Variants in MXD1 observed in about 807,000 individuals in gnomAD.
MXD1 encodes the protein MAX-binding protein.
Under a neutral mutation model 25.7 loss-of-function variants are expected in MXD1, and 9 were observed. That is an observed-to-expected ratio of 0.35 (90% CI 0.21 to 0.61). The LOEUF is 0.61. Ranked by LOEUF, MXD1 falls within the 20% of genes least tolerant of loss-of-function variation. The pLI is 0.75. For synonymous variants in MXD1, 99 were observed against 113.9 expected (o/e 0.87, Z 0.83); for missense variants, 227 against 292.4 (o/e 0.78, Z 1.63).
At chr2:69,921,865 A>G in intron 3 of MXD1, 100 bp downstream of exon 3, 4 of 1,138,256 alleles carry the variant, frequency 3.5e-6, no homozygotes, top group Non-Finnish European at 5.1e-6. Flanking sequence ...TCCCACTAGT[A>G]GCACCTGATT....
At chr2:69,936,312 A>G (rs986403301) in intron 4 of MXD1, among the ~76,000 whole-genome samples, 2 of 151,952 alleles carry the variant, frequency 1.3e-5, no homozygotes, top group African/African-American at 4.8e-5. Context: ...TGTTGTCTCA[A>G]TCCTTAGACT....
chr2:69,927,223 C>A (rs1259969598), intron 3 of MXD1, among the ~76,000 whole-genome samples: 1 of 152,172 alleles, frequency 6.6e-6, no homozygotes, highest in East Asian at 1.9e-4. Flanking sequence ...ATGACCAAGT[C>A]CCTTATATGG....
At chr2:69,920,146 G>A (rs1479809837) in intron 2 of MXD1, among the ~76,000 whole-genome samples, 4 of 152,020 alleles carry the variant, frequency 2.6e-5, no homozygotes, top group Admixed American at 1.3e-4. Context: ...GCGCCACCAC[G>A]CCCGGCTAAT....
rs1253003438 is a variant in MXD1 at position 69,941,327 on chromosome 2, A to G, written c.*3043A>G. 2 of 152,186 alleles carry G rather than the reference A, an allele frequency of 1.3e-5. No homozygotes were observed. Among genetic ancestry groups the G allele is most frequent in the Admixed American group, 6.5e-5 (1 of 15,280 alleles). 9.4% of individuals were successfully genotyped at this position (152,186 alleles called of 1,614,324 possible). A position where few individuals can be genotyped will look rare whatever the true frequency, so the allele number is the denominator to read the frequency against. ...GCTTTGAATGGTGGGCCGAGCACCCAGGTCGTCTGTATTTTGGTTTTCTTT... is the reference window on the plus strand; with the variant it reads ...GCTTTGAATGGTGGGCCGAGCACCCGGGTCGTCTGTATTTTGGTTTTCTTT... On this transcript the variant is annotated 3_prime_UTR_variant, in exon 6 of 6. Coordinates refer to ENST00000264444, the MANE Select transcript of MXD1 (RefSeq NM_002357.4).
chr2:69,921,725 C>G lies in MXD1; in HGVS notation c.174-11C>G. On this transcript the variant is annotated splice_polypyrimidine_tract_variant and intron_variant, in intron 2 of 5. Coordinates refer to ENST00000264444, the MANE Select transcript of MXD1 (RefSeq NM_002357.4). ...AATATCTTATTCTTCTCTTATTGTT[C>G]CCTCTTTCAGATCAACTCACAATGA... The G allele has an allele frequency of 1.2e-6, 2 of 1,606,810 alleles. No individual in the cohort carries two copies. Among genetic ancestry groups the G allele is most frequent in the Non-Finnish European group, 1.7e-6 (2 of 1,176,238 alleles).
intron 2 of MXD1, 49 bp downstream of exon 2, chr2:69,916,269 A>G: frequency 2.7e-6 from 3 of 1,102,186 alleles, no homozygotes; most frequent in Non-Finnish European, 4.1e-6. Flanking sequence ...ATTGTAGGTG[A>G]CACAAACTGC....
chr2:69,928,057 C>T (rs1373532181), intron 3 of MXD1, among the ~76,000 whole-genome samples: 4 of 152,022 alleles, frequency 2.6e-5, no homozygotes, highest in African/African-American at 9.6e-5. Flanking sequence ...TGACCCTTGA[C>T]ATTTTAAGGG....
intron 2 of MXD1, among the ~76,000 whole-genome samples, chr2:69,917,855 C>A (rs1676989947): frequency 2.0e-5 from 3 of 150,032 alleles, no homozygotes; most frequent in Non-Finnish European, 4.4e-5. Context: ...GGCTACAAAT[C>A]CTTCTGTTAA....
At position 69,915,173 on chromosome 2, in the gene MXD1, T is replaced by C; in HGVS notation, c.-158T>C. On this transcript the variant is annotated 5_prime_UTR_variant, in exon 1 of 6. Coordinates refer to ENST00000264444, the MANE Select transcript of MXD1 (RefSeq NM_002357.4). This position sits in a 1 kb window ranked among gnomAD's most constrained non-coding sequence, Gnocchi z 5.8. ...GCTCACTGGCCCCCTCCCTCTCTTG[T>C]CGAGCGTGGTTGCCAGAGAGGCTCC... The C allele has an allele frequency of 3.8e-6, 2 of 530,998 alleles. No homozygotes were observed. The highest frequency in any genetic ancestry group is 2.9e-6 in the Non-Finnish European group (1 of 340,182). 32.9% of individuals were successfully genotyped at this position (530,998 alleles called of 1,614,324 possible).
Position 69,938,290 on chromosome 2 carries a change from T to C in MXD1, c.*6T>C. ...AGGCGTGTCTTGGTCTCTAAGAGAG[T>C]GGGCACTGCGGCTGTCTCCTTGAAG... On this transcript the variant is annotated 3_prime_UTR_variant, in exon 6 of 6. Transcript: ENST00000264444. 1 of 1,613,198 alleles carries C rather than the reference T, an allele frequency of 6.2e-7. No homozygotes were observed. Among genetic ancestry groups the C allele is most frequent in the Non-Finnish European group, 8.5e-7 (1 of 1,179,452 alleles).
intron 3 of MXD1, among the ~76,000 whole-genome samples, chr2:69,926,663 CTTAG>C (rs1294247308): frequency 5.9e-5 from 9 of 152,184 alleles, no homozygotes; most frequent in Non-Finnish European, 8.8e-5. Flanking sequence ...GGTTTCCCAT[CTTAG>C]TTAACTAATT....
At chr2:69,927,897 T>G (rs1462647943) in intron 3 of MXD1, among the ~76,000 whole-genome samples, 2 of 152,334 alleles carry the variant, frequency 1.3e-5, no homozygotes, top group East Asian at 3.9e-4. Flanking sequence ...GTAATAATGA[T>G]GCACTTGGCA....
chr2:69,936,932 C>A (rs1677460445), intron 4 of MXD1: 2 of 523,908 alleles, frequency 3.8e-6, no homozygotes, highest in Non-Finnish European at 7.6e-6. Context: ...AGGTTGGGGA[C>A]TGCTGCCTGC....
chr2:69,931,066 G>T (rs1380878809), intron 3 of MXD1, among the ~76,000 whole-genome samples: 1 of 152,142 alleles, frequency 6.6e-6, no homozygotes, highest in East Asian at 1.9e-4. Flanking sequence ...TATGTAGTAG[G>T]TCTGTATATT....
chr2:69,931,741 C>A (rs991610619), intron 3 of MXD1, among the ~76,000 whole-genome samples: 1 of 152,148 alleles, frequency 6.6e-6, no homozygotes, highest in Non-Finnish European at 1.5e-5. Context: ...CAGAGCATGA[C>A]TTATTATAGT....
At chr2:69,918,021 G>C (rs1411110022) in intron 2 of MXD1, among the ~76,000 whole-genome samples, 1 of 152,186 alleles carries the variant, frequency 6.6e-6, no homozygotes, top group Non-Finnish European at 1.5e-5. Context: ...TGTGAGGCAA[G>C]AGCAGGCAGT....
chr2:69,937,248 G>T lies in MXD1; in HGVS notation c.332G>T (p.Cys111Phe). 1 of 1,613,900 alleles carries T rather than the reference G, an allele frequency of 6.2e-7. No individual in the cohort carries two copies. The highest frequency in any genetic ancestry group is 8.5e-7 in the Non-Finnish European group (1 of 1,179,854). ...AKLHIKKLEDCDRKAVHQIDQ... is the reference protein window; with the variant it reads ...AKLHIKKLEDFDRKAVHQIDQ... ...TTTGACTTGCAGAAACTTGAAGATT[G>T]TGACAGAAAAGCCGTTCACCAAATC... Residue 111 changes from cysteine (C) to phenylalanine (F), a missense_variant, in exon 5 of 6, where the codon TGT (cysteine) becomes TTT (phenylalanine). Physicochemically the swap from Cys to Phe is radical, Grantham distance 205 (BLOSUM62 -2). Coordinates refer to ENST00000264444, the MANE Select transcript of MXD1 (RefSeq NM_002357.4).
At chr2:69,929,697 C>A (rs1280498059) in intron 3 of MXD1, among the ~76,000 whole-genome samples, 2 of 152,166 alleles carry the variant, frequency 1.3e-5, no homozygotes, top group Non-Finnish European at 2.9e-5. Flanking sequence ...ATATTTAAAT[C>A]TTTAATCTGT....
At chr2:69,922,093 C>A (rs1454498) in intron 3 of MXD1, among the ~76,000 whole-genome samples, 81,708 of 152,130 alleles carry the variant, frequency 0.54, 24,013 homozygotes, top group African/African-American at 0.79. Context: ...TACTGAATAT[C>A]ATTGGCAGTG....
Sources: gnomAD v4.1 joint callset for allele counts (sites outside exome capture counted in the v4.1 genomes callset) on GRCh38, gnomAD v4.1.1 for gene constraint, Gnocchi (gnomAD v3.1) non-coding constraint, MANE v1.5 for transcripts, NCBI Gene and HGNC (gene_info 2026-07-23, HGNC 2026-07-21) for gene names.